The following GLIS3 variants were observed in gnomAD, a reference collection of about 807,000 sequenced individuals.
The protein encoded by GLIS3 is zinc finger protein GLIS3.
A neutral mutation model predicts 78.6 loss-of-function variants in GLIS3; 53 were observed. The ratio of observed to expected loss-of-function variants is 0.67; its 90% CI spans 0.54 to 0.85. GLIS3 has a LOEUF of 0.85. Ranked by LOEUF, GLIS3 falls within the 40% of genes least tolerant of loss-of-function variation. The pLI is 0.00. For synonymous variants in GLIS3, 684 were observed against 509.9 expected (o/e 1.34, Z -4.60); for missense variants, 1,703 against 1,231.1 (o/e 1.38, Z -5.74).
rs1816010941 is a variant in GLIS3, at chr9:3,942,630, T to C, written c.1711-5441A>G. ...GAGAAATTTGATGCATGAATTCAGC[T>C]GGGATTTAGTTCTGGAAGCTTCTTT... On this transcript the variant is annotated intron_variant, in intron 4 of 10. Coordinates refer to ENST00000381971, the MANE Select transcript of GLIS3 (RefSeq NM_001042413.2). Among the ~76,000 whole-genome samples the C allele has an allele frequency of 2.0e-5, 3 of 152,244 alleles. No individual in the cohort carries two copies. The South Asian group carries it at 6.2e-4, about 32-fold the overall frequency.
intron 2 of GLIS3, among the ~76,000 whole-genome samples, chr9:4,267,589 A>G (rs1401522254): frequency 1.3e-5 from 2 of 152,178 alleles, no homozygotes; most frequent in African/African-American, 4.8e-5. Flanking sequence ...CACCACTACC[A>G]AGTCTATGTC....
At chr9:4,471,274 C>T in the GLIS3 span, among the ~76,000 whole-genome samples, 101 of 152,194 alleles carry the variant, frequency 6.6e-4, 2 homozygotes, top group South Asian at 0.021. Flanking sequence ...TCATATGGAA[C>T]CAAAAAAGAG....
chr9:4,286,254 G>A lies in GLIS3; in HGVS notation c.172C>T (p.Leu58Phe). Reference protein sequence around the residue: ...SPTMASLANNLHLKMPSGGGM... With the variant: ...SPTMASLANNFHLKMPSGGGM... ...CCTCCTGAGGGCATCTTGAGATGGA[G>A]GTTGTTAGCAAGGCTTGCCATAGTG... The change falls in exon 2 of 11, where the codon CTC becomes TTC. Residue 58 changes from leucine to phenylalanine, a missense_variant. Coordinates refer to ENST00000381971, the MANE Select transcript of GLIS3 (RefSeq NM_001042413.2). 5 of 1,614,220 alleles carry A rather than the reference G, an allele frequency of 3.1e-6. No individual in the cohort carries two copies. The South Asian group carries it at 5.5e-5, about 18-fold the overall frequency.
Position 4,346,516 on chromosome 9 carries a change from T to G in GLIS3, n.264+565A>C, listed in dbSNP as rs137871898. On this transcript the variant is annotated intron_variant and non_coding_transcript_variant, in intron 2 of 4. Coordinates refer to the GLIS3 transcript ENST00000471664. ...AAGTATTATATCCATTATTCATAAGTGTGGCCATTACTTTACATCCAGAGC... is the reference window on the plus strand; with the variant it reads ...AAGTATTATATCCATTATTCATAAGGGTGGCCATTACTTTACATCCAGAGC... Among the ~76,000 whole-genome samples, 657 of 152,304 alleles carry G rather than the reference T, an allele frequency of 4.3e-3. 2 individuals carry two copies. Among genetic ancestry groups the G allele is most frequent in the African/African-American group, 0.014 (598 of 41,566 alleles).
chr9:4,420,472 G>A, the GLIS3 span, among the ~76,000 whole-genome samples: 180 of 152,292 alleles, frequency 1.2e-3, no homozygotes, highest in Non-Finnish European at 1.9e-3. Context: ...GTGATCCAAG[G>A]AAAGTATAAT....
chr9:4,353,197 A>G (rs1817996814), upstream of GLIS3, among the ~76,000 whole-genome samples: 1 of 152,174 alleles, frequency 6.6e-6, no homozygotes, highest in Non-Finnish European at 1.5e-5. Flanking sequence ...AAAGGCTAAA[A>G]CTTGAGGCAA....
intron 2 of GLIS3, among the ~76,000 whole-genome samples, chr9:4,138,696 G>A (rs1157494165): frequency 1.3e-5 from 2 of 152,174 alleles, no homozygotes; most frequent in Non-Finnish European, 2.9e-5. Flanking sequence ...AGCTCTCTGT[G>A]CCTCTATTTC....
intron 2 of GLIS3, among the ~76,000 whole-genome samples, chr9:4,182,254 A>G (rs1360856970): frequency 6.6e-6 from 1 of 152,106 alleles, no homozygotes; most frequent in Admixed American, 6.5e-5. Flanking sequence ...TGTGTAAAAA[A>G]TTTTTTTGGA....
rs183305080 is a variant in GLIS3 at position 4,047,484 on chromosome 9, C to T, written c.1710+70284G>A. On this transcript the variant is annotated intron_variant, in intron 4 of 10. Transcript: ENST00000381971. ...TGTTCATTTCACTAATTTCAAAAACCTGTTACTGCTCTGAATTACAAACAA... is the reference window on the plus strand; with the variant it reads ...TGTTCATTTCACTAATTTCAAAAACTTGTTACTGCTCTGAATTACAAACAA... Among the ~76,000 whole-genome samples, 722 of 152,172 alleles carry T rather than the reference C, an allele frequency of 4.7e-3. 6 individuals carry two copies. Among genetic ancestry groups the T allele is most frequent in the Middle Eastern group, 0.01 (3 of 294 alleles).
chr9:4,435,935 C>A, the GLIS3 span, among the ~76,000 whole-genome samples: 1 of 151,776 alleles, frequency 6.6e-6, no homozygotes, highest in Admixed American at 6.6e-5. Context: ...GGTGACAGAG[C>A]CAGACTCCGT....
intron 1 of GLIS3, among the ~76,000 whole-genome samples, chr9:4,294,292 T>G (rs1031685211): frequency 1.1e-4 from 17 of 152,314 alleles, no homozygotes; most frequent in African/African-American, 4.1e-4. Flanking sequence ...GTGGATCACC[T>G]GAGGTCAGGA....
intron 4 of GLIS3, among the ~76,000 whole-genome samples, chr9:4,006,367 A>C (rs1409892521): frequency 6.6e-6 from 1 of 151,938 alleles, no homozygotes; most frequent in Non-Finnish European, 1.5e-5. Context: ...CATACATATG[A>C]AATTTTTAAA....
intron 2 of GLIS3, among the ~76,000 whole-genome samples, chr9:4,254,659 G>A (rs1159828752): frequency 2.0e-5 from 3 of 152,036 alleles, no homozygotes; most frequent in African/African-American, 7.2e-5. Context: ...GGCCAACATG[G>A]TGAAACCCCA....
chr9:3,903,142 G>A (rs1823435936), intron 6 of GLIS3, among the ~76,000 whole-genome samples: 2 of 152,162 alleles, frequency 1.3e-5, no homozygotes, highest in African/African-American at 4.8e-5. Flanking sequence ...TATCTCCTGT[G>A]AGAAGTAACC....
In GLIS3 at chr9:3,827,116, G is replaced by C. The variant is rs1249454412; in HGVS notation, c.*1156C>G. ...ATGATCAGACAATGGCGGCTGGTGG[G>C]GATATATGAACCACAGTCAGGAAGA... On this transcript the variant is annotated 3_prime_UTR_variant, in exon 11 of 11. Transcript: ENST00000381971. The C allele has an allele frequency of 6.6e-6, 1 of 152,200 alleles. No individual in the cohort carries two copies. The highest frequency in any genetic ancestry group is 1.5e-5 in the Non-Finnish European group (1 of 68,044). The allele number at this position is 152,200 out of a possible 1,614,324, so 9.4% of individuals were successfully genotyped here.
chr9:4,424,312 C>A, the GLIS3 span, among the ~76,000 whole-genome samples: 1 of 152,196 alleles, frequency 6.6e-6, no homozygotes. Flanking sequence ...CGTCTGTTTC[C>A]CTATCTGTGA....
intron 2 of GLIS3, among the ~76,000 whole-genome samples, chr9:4,176,917 C>T (rs1563700560): frequency 6.6e-6 from 1 of 152,236 alleles, no homozygotes; most frequent in Non-Finnish European, 1.5e-5. Flanking sequence ...AGCCACCATG[C>T]CCGGCCTCTT....
At chr9:3,992,063 A>G (rs954481650) in intron 4 of GLIS3, among the ~76,000 whole-genome samples, 3 of 152,154 alleles carry the variant, frequency 2.0e-5, no homozygotes, top group Non-Finnish European at 2.9e-5. Context: ...GTCAGATTTT[A>G]TAATATAGAG....
intron 9 of GLIS3, among the ~76,000 whole-genome samples, chr9:3,840,389 C>T (rs1818638378): frequency 6.6e-6 from 1 of 152,102 alleles, no homozygotes. Context: ...AGGTAGGAGT[C>T]TACTAAGCAT....
Sources: allele counts gnomAD v4.1 joint callset (sites outside exome capture counted in the v4.1 genomes callset), GRCh38; gene constraint gnomAD v4.1.1; transcripts MANE v1.5; gene names NCBI Gene and HGNC (gene_info 2026-07-23, HGNC 2026-07-21).